Variants in EYS observed in about 807,000 individuals in gnomAD.
EYS encodes EGF-like photoreceptor maintenance factor.
Under a neutral mutation model 282.1 loss-of-function variants are expected in EYS, and 250 were observed. The ratio of observed to expected loss-of-function variants is 0.89; its 90% CI spans 0.80 to 0.98. The LOEUF is 0.98. Among genes scored for constraint, EYS ranks in the 50% least tolerant of loss-of-function variants. EYS has a pLI of 0.00. For synonymous variants in EYS, 1,355 were observed against 1,282.9 expected (o/e 1.06, Z -1.20); for missense variants, 4,016 against 3,709.0 (o/e 1.08, Z -2.15).
At chr6:64,913,703 C>T (rs1768074876) in intron 15 of EYS, among the ~76,000 whole-genome samples, 2 of 152,044 alleles carry the variant, frequency 1.3e-5, no homozygotes, top group Admixed American at 1.3e-4. Flanking sequence ...TTGTGAATAG[C>T]ACTATGATAA....
At chr6:64,860,105 T>C (rs988531744) in intron 19 of EYS, among the ~76,000 whole-genome samples, 1 of 152,242 alleles carries the variant, frequency 6.6e-6, no homozygotes, top group Non-Finnish European at 1.5e-5. Flanking sequence ...GTGCATCTTA[T>C]ATAACTCCAT....
intron 23 of EYS, among the ~76,000 whole-genome samples, chr6:64,625,121 A>AACCTAAAACAT (rs1397588940): frequency 6.6e-6 from 1 of 152,188 alleles, no homozygotes; most frequent in Non-Finnish European, 1.5e-5. Context: ...GGCATTGAAC[A>AACCTAAAACAT]TCCGTTTTGG....
chr6:64,139,457 T>C (rs1562220835), intron 31 of EYS, among the ~76,000 whole-genome samples: 2 of 152,106 alleles, frequency 1.3e-5, no homozygotes, highest in East Asian at 1.9e-4. Flanking sequence ...TAATTAAAAA[T>C]ATTTTTTTAA....
At chr6:65,493,874 G>A (rs562739026) in intron 4 of EYS, among the ~76,000 whole-genome samples, 19 of 152,066 alleles carry the variant, frequency 1.2e-4, no homozygotes, top group African/African-American at 4.3e-4. Flanking sequence ...ATTGCTCTTG[G>A]CTCACAATTA....
intron 2 of EYS, among the ~76,000 whole-genome samples, chr6:65,517,582 C>G (rs1582405545): frequency 6.6e-6 from 1 of 151,954 alleles, no homozygotes; most frequent in African/African-American, 2.4e-5. Flanking sequence ...TATGGTTAGG[C>G]AAGTCATTTT....
intron 15 of EYS, among the ~76,000 whole-genome samples, chr6:64,930,285 G>A (rs760388734): frequency 3.3e-5 from 5 of 151,888 alleles, no homozygotes; most frequent in Non-Finnish European, 7.4e-5. Context: ...TACCATAAGA[G>A]GATGAGTGAT....
At chr6:64,025,428 C>G (rs901913380) in intron 33 of EYS, among the ~76,000 whole-genome samples, 2 of 152,154 alleles carry the variant, frequency 1.3e-5, no homozygotes, top group African/African-American at 4.8e-5. Context: ...CTATCCTGAC[C>G]CTTGCCCCTT....
At chr6:64,749,113 G>A (rs781721257) in intron 22 of EYS, among the ~76,000 whole-genome samples, 3 of 152,102 alleles carry the variant, frequency 2.0e-5, no homozygotes, top group Admixed American at 1.3e-4. Context: ...ATTCAGGTTT[G>A]GAACCATTTA....
intron 5 of EYS, among the ~76,000 whole-genome samples, chr6:65,412,828 C>T (rs1364056966): frequency 6.6e-6 from 1 of 152,052 alleles, no homozygotes; most frequent in African/African-American, 2.4e-5. Context: ...TTTTTATGAA[C>T]ACTGATTTAT....
intron 42 of EYS, among the ~76,000 whole-genome samples, chr6:63,725,932 T>G (rs984725846): frequency 9.2e-5 from 14 of 152,164 alleles, no homozygotes; most frequent in Non-Finnish European, 1.9e-4. Context: ...CAGATGTCTT[T>G]GTCAGAATTT....
chr6:64,294,734 T>C (rs1368643848), intron 30 of EYS, among the ~76,000 whole-genome samples: 3 of 152,236 alleles, frequency 2.0e-5, no homozygotes, highest in Non-Finnish European at 4.4e-5. Context: ...GATGGCTTAG[T>C]ATGATACAAA....
At chr6:65,269,815 T>A (rs924546518) in intron 12 of EYS, among the ~76,000 whole-genome samples, 11 of 152,096 alleles carry the variant, frequency 7.2e-5, no homozygotes, top group Non-Finnish European at 1.3e-4. Context: ...ACAAGTACAA[T>A]GCTAATCATG....
chr6:65,700,602 T>C (rs1321410376), intron 1 of EYS, among the ~76,000 whole-genome samples: 1 of 152,236 alleles, frequency 6.6e-6, no homozygotes, highest in Admixed American at 6.5e-5. Flanking sequence ...TATTGAGCTA[T>C]AATATTTACT....
In EYS at chr6:65,077,528, T is replaced by C. The variant is rs1197156153; in HGVS notation, c.2024-19801A>G. On this transcript the variant is annotated intron_variant, in intron 12 of 42. Coordinates refer to ENST00000503581, the MANE Select transcript of EYS (RefSeq NM_001142800.2). ...GCAAATAAATGCATTAAGTTAGATA[T>C]ATAAAACGAACATTTTCTGAAACGC... Among the ~76,000 whole-genome samples the C allele has an allele frequency of 2.0e-5, 3 of 152,122 alleles. No individual in the cohort carries two copies. In the East Asian group the frequency reaches 5.8e-4, roughly 29 times the overall value.
At chr6:65,399,823 A>T (rs1327323836) in intron 7 of EYS, among the ~76,000 whole-genome samples, 2 of 152,016 alleles carry the variant, frequency 1.3e-5, no homozygotes, top group Non-Finnish European at 2.9e-5. Context: ...AAACAATTTG[A>T]TCATTGTTCT....
rs2150022825 is a variant in EYS at position 64,822,799 on chromosome 6, CT to C, written c.3015del (p.Asp1006MetfsTer84). ...GYTGINCEIN[L>X]DECLSEPCLH... ...AGACAGGGCTCTGATAGGCATTCAT[CT>C]AGATTTATTTCACAGTTGATGCCTG... On this transcript the variant is annotated frameshift_variant, in exon 20 of 43. Coordinates refer to ENST00000503581, the MANE Select transcript of EYS (RefSeq NM_001142800.2). LOFTEE classifies it high-confidence loss of function. 6.5e-7 allele frequency: 1 copy of C among 1,549,552 alleles called. No homozygotes were observed. Among genetic ancestry groups the C allele is most frequent in the Non-Finnish European group, 8.7e-7 (1 of 1,145,740 alleles).
At chr6:65,372,846 G>T (rs959290400) in intron 8 of EYS, among the ~76,000 whole-genome samples, 3 of 151,900 alleles carry the variant, frequency 2.0e-5, no homozygotes, top group Non-Finnish European at 4.4e-5. Context: ...ATAAGGTTCT[G>T]ACCTACAGGG....
intron 33 of EYS, among the ~76,000 whole-genome samples, chr6:64,021,592 A>G (rs566483749): frequency 1.8e-4 from 28 of 152,312 alleles, no homozygotes; most frequent in Admixed American, 1.1e-3. Context: ...AAGTAGGAGG[A>G]ACAATGGGAC....
intron 18 of EYS, among the ~76,000 whole-genome samples, chr6:64,898,856 A>G (rs1399504364): frequency 6.6e-6 from 1 of 151,852 alleles, no homozygotes; most frequent in Non-Finnish European, 1.5e-5. Context: ...CAAAAAGACA[A>G]AGAAGGGCAT....
Sources: gnomAD v4.1 joint callset for allele counts (sites outside exome capture counted in the v4.1 genomes callset) on GRCh38, gnomAD v4.1.1 for gene constraint, MANE v1.5 for transcripts, NCBI Gene and HGNC (gene_info 2026-07-23, HGNC 2026-07-21) for gene names.